ZNF91: variants seen among roughly 807,000 people sequenced by gnomAD.
ZNF91 encodes zinc finger protein 91.
Under a neutral mutation model 12.6 loss-of-function variants are expected in ZNF91, and 7 were observed. The ratio of observed to expected loss-of-function variants is 0.55; its 90% confidence interval spans 0.31 to 1.04. The LOEUF (loss-of-function observed/expected upper bound fraction) is 1.04, where lower values mean the gene tolerates loss of function less well. Ranked by LOEUF, ZNF91 falls within the 50% of genes least tolerant of loss-of-function variation. The pLI is 0.05. For missense variants in ZNF91, 1,217 were observed against 1,385.4 expected (o/e 0.88, Z 1.93); for synonymous variants, 453 against 462.6 (o/e 0.98, Z 0.27).
chr19:23,369,711 C>G (rs1969192250), intron 3 of ZNF91, among the ~76,000 whole-genome samples: 1 of 151,914 alleles, frequency 6.6e-6, no homozygotes, highest in Non-Finnish European at 1.5e-5. Context: ...TTACCCCCAA[C>G]CCTGTGCTCT....
At position 23,360,360 on chromosome 19, in the gene ZNF91, C is replaced by T; in HGVS notation, c.2619G>A (p.Lys873=). 1 of 1,614,016 alleles carries T rather than the reference C, an allele frequency of 6.2e-7. No individual in the cohort carries two copies. ...AAGGTTTCTCTTTAGTATGAATTAT[C>T]TTATGTGTCGTAAGATTTGAAGATT... The part of the protein sequence containing the change: ...FNQSSNLTTH[K]IIHTKEKPSK... Residue 873 remains lysine, a synonymous_variant, in exon 4 of 4, where the codon AAG becomes AAA. Transcript: ENST00000300619.
At chr19:23,316,198 G>A (rs295352) in intron 1 of ZNF91, among the ~76,000 whole-genome samples, 15,448 of 144,454 alleles carry the variant, frequency 0.11, 1,233 homozygotes, top group East Asian at 0.38. Flanking sequence ...GTCCCCACAT[G>A]TTTTGGGTTT....
At chr19:23,387,941 CAAA>C (rs71163499) in intron 1 of ZNF91, among the ~76,000 whole-genome samples, 1 of 56,300 alleles carries the variant, frequency 1.8e-5, no homozygotes, top group African/African-American at 7.9e-5. Flanking sequence ...GAGACTGTCT[CAAA>C]AAAAAAAAAA....
intron 1 of ZNF91, among the ~76,000 whole-genome samples, chr19:23,392,767 C>G (rs1290131936): frequency 6.7e-6 from 1 of 150,074 alleles, no homozygotes; most frequent in Non-Finnish European, 1.5e-5. Context: ...CCATTGCATA[C>G]CAGCCTGGGC....
chr19:23,314,337 CTTCTT>C (rs535805954), upstream of ZNF91, among the ~76,000 whole-genome samples: 98 of 152,302 alleles, frequency 6.4e-4, no homozygotes, highest in African/African-American at 2.3e-3. Context: ...TAATGTGACT[CTTCTT>C]TTCTTCCTGG....
chr19:23,323,867 CTCT>C (rs143563110), intron 1 of ZNF91: 42,549 of 143,330 alleles, frequency 0.3, 6,438 homozygotes, highest in African/African-American at 0.42. Context: ...TATTCTTCTC[CTCT>C]TCGTTTCCTA....
intron 3 of ZNF91, among the ~76,000 whole-genome samples, chr19:23,347,987 A>C (rs944310270): frequency 1.2e-4 from 18 of 152,254 alleles, no homozygotes; most frequent in African/African-American, 4.3e-4. Flanking sequence ...TATAATTCCC[A>C]ATTTTGGACT....
intron 1 of ZNF91, among the ~76,000 whole-genome samples, chr19:23,388,655 T>G (rs1428495338): frequency 6.6e-6 from 1 of 152,134 alleles, no homozygotes; most frequent in Non-Finnish European, 1.5e-5. Context: ...GCAAATCACC[T>G]GAGGTCAGGA....
At chr19:23,376,323 A>G (rs529576502) in intron 1 of ZNF91, among the ~76,000 whole-genome samples, 5 of 152,314 alleles carry the variant, frequency 3.3e-5, no homozygotes, top group South Asian at 4.1e-4. Context: ...CATCATGCAG[A>G]GAAGGCTCTG....
At chr19:23,356,102 C>G (rs1453979052), downstream of ZNF91, among the ~76,000 whole-genome samples, 1 of 152,036 alleles carries the variant, frequency 6.6e-6, no homozygotes, top group African/African-American at 2.4e-5. Context: ...ATATGGAAAA[C>G]AGTGTGGAGA....
At chr19:23,371,124 T>C (rs1464832184) in intron 3 of ZNF91, among the ~76,000 whole-genome samples, 1 of 152,084 alleles carries the variant, frequency 6.6e-6, no homozygotes, top group Non-Finnish European at 1.5e-5. Flanking sequence ...GCAGATCACC[T>C]GAGGTCAGGA....
At chr19:23,367,435 A>G (rs941232645) in intron 3 of ZNF91, among the ~76,000 whole-genome samples, 6 of 152,204 alleles carry the variant, frequency 3.9e-5, no homozygotes, top group Admixed American at 6.5e-5. Flanking sequence ...ACTCTTCAAC[A>G]TATTTTTGCA....
exon 3 of ZNF91, chr19:23,307,394 G>A (rs1262019592): frequency 6.6e-6 from 1 of 152,120 alleles, no homozygotes; most frequent in Non-Finnish European, 1.5e-5. Flanking sequence ...TCTCCTGCCT[G>A]GGCCATACCT....
At chr19:23,323,777 CTCTT>C (rs1023104123) in intron 1 of ZNF91, among the ~76,000 whole-genome samples, 15 of 136,854 alleles carry the variant, frequency 1.1e-4, no homozygotes, top group Admixed American at 2.1e-4. Context: ...TCTCCTCCTT[CTCTT>C]TCTTCTTCCT....
chr19:23,316,748 G>T (rs2145850120), intron 1 of ZNF91, among the ~76,000 whole-genome samples: 1 of 152,316 alleles, frequency 6.6e-6, no homozygotes, highest in East Asian at 1.9e-4. Context: ...AAGATCCCAT[G>T]TCTCCTCTTT....
downstream of ZNF91, chr19:23,337,684 G>C (rs1265541469): frequency 1.3e-5 from 2 of 151,802 alleles, no homozygotes; most frequent in African/African-American, 4.8e-5. Flanking sequence ...ACTTTAAAAA[G>C]ACTTCAAAAT....
downstream of ZNF91, among the ~76,000 whole-genome samples, chr19:23,352,749 A>G (rs1968398562): frequency 6.6e-6 from 1 of 152,226 alleles, no homozygotes; most frequent in South Asian, 2.1e-4. Flanking sequence ...AAATAAACTT[A>G]AAGGGGTGGA....
intron 1 of ZNF91, chr19:23,326,494 A>T (rs1249736054): frequency 3.9e-5 from 6 of 151,978 alleles, no homozygotes; most frequent in Non-Finnish European, 8.8e-5. Context: ...CGTCCAGCTA[A>T]TTTTTGTATT....
intron 3 of ZNF91, among the ~76,000 whole-genome samples, chr19:23,341,530 T>A (rs574761246): frequency 6.6e-6 from 1 of 152,178 alleles, no homozygotes; most frequent in East Asian, 1.9e-4. Flanking sequence ...AAAGCAAGTA[T>A]AATAATAACA....
Sources: allele counts gnomAD v4.1 joint callset (sites outside exome capture counted in the v4.1 genomes callset), GRCh38; gene constraint gnomAD v4.1.1; transcripts MANE v1.5; gene names NCBI Gene and HGNC (gene_info 2026-07-23, HGNC 2026-07-21).